The following GPM6A variants were observed in gnomAD, a reference collection of about 807,000 sequenced individuals.
GPM6A encodes glycoprotein M6A, also known as neuronal membrane glycoprotein M6-a.
In GPM6A, 7 loss-of-function variants were observed where a neutral mutation model predicts 32.1. That is an observed-to-expected ratio of 0.22 (90% confidence interval 0.12 to 0.41). GPM6A has a LOEUF of 0.41. GPM6A is among the 10% of genes least tolerant of loss of function. The pLI, the probability that GPM6A is intolerant of heterozygous loss-of-function variation, is 1.00. For missense variants in GPM6A, 235 were observed against 347.2 expected (o/e 0.68, Z 2.57); for synonymous variants, 130 against 123.4 (o/e 1.05, Z -0.35).
At chr4:175,990,333 C>A (rs1259787529) in intron 1 of GPM6A, among the ~76,000 whole-genome samples, 4 of 152,166 alleles carry the variant, frequency 2.6e-5, no homozygotes, top group African/African-American at 9.7e-5. Flanking sequence ...CAGAAAGCTT[C>A]TCTTGATGAC....
intron 1 of GPM6A, among the ~76,000 whole-genome samples, chr4:175,912,642 G>A (rs1388536484): frequency 3.3e-5 from 5 of 152,228 alleles, no homozygotes; most frequent in Admixed American, 2.0e-4. Flanking sequence ...GAGACAGAGT[G>A]AGACTCCATC....
chr4:176,001,862 A>G (rs1476375946), intron 1 of GPM6A, among the ~76,000 whole-genome samples: 2 of 152,202 alleles, frequency 1.3e-5, no homozygotes, highest in African/African-American at 4.8e-5. Context: ...CCCCGTTTCA[A>G]CTTGCTCCCC....
chr4:175,646,873 C>T (rs1741490016), intron 4 of GPM6A, among the ~76,000 whole-genome samples: 1 of 152,156 alleles, frequency 6.6e-6, no homozygotes, highest in Non-Finnish European at 1.5e-5. Context: ...TCCTTATTCA[C>T]TATATGACCC....
At chr4:175,826,039 G>T (rs928332779) in intron 1 of GPM6A, among the ~76,000 whole-genome samples, 1 of 152,118 alleles carries the variant, frequency 6.6e-6, no homozygotes, top group Non-Finnish European at 1.5e-5. Flanking sequence ...ATGGTGGAGT[G>T]AGCCTCTGGT....
intron 1 of GPM6A, among the ~76,000 whole-genome samples, chr4:175,737,309 C>A (rs1224085807): frequency 2.0e-5 from 3 of 151,930 alleles, no homozygotes; most frequent in Admixed American, 2.0e-4. Context: ...CGCCTGTAAT[C>A]CTGCACGCCT....
intron 1 of GPM6A, among the ~76,000 whole-genome samples, chr4:175,791,783 A>G (rs1176049938): frequency 6.6e-6 from 1 of 152,146 alleles, no homozygotes; most frequent in Non-Finnish European, 1.5e-5. Context: ...ACACACAGAC[A>G]CACACTTTTC....
intron 1 of GPM6A, among the ~76,000 whole-genome samples, chr4:175,976,784 G>A (rs575234647): frequency 2.4e-4 from 36 of 152,186 alleles, no homozygotes; most frequent in Non-Finnish European, 4.7e-4. Flanking sequence ...GTACAAGTGA[G>A]GTAGAACCAC....
intron 1 of GPM6A, among the ~76,000 whole-genome samples, chr4:175,953,841 A>C (rs1010331195): frequency 6.6e-6 from 1 of 152,142 alleles, no homozygotes; most frequent in African/African-American, 2.4e-5. Flanking sequence ...GGGGGTTGTG[A>C]TGAGCCGAGA....
intron 1 of GPM6A, among the ~76,000 whole-genome samples, chr4:175,971,278 A>AAG: frequency 6.6e-6 from 1 of 151,826 alleles, no homozygotes; most frequent in South Asian, 2.1e-4. Context: ...GTGAAAAAAA[A>AAG]AAAAAAAAAT....
intron 1 of GPM6A, among the ~76,000 whole-genome samples, chr4:175,969,320 C>A (rs934659870): frequency 1.3e-5 from 2 of 152,106 alleles, no homozygotes; most frequent in African/African-American, 4.8e-5. Flanking sequence ...CTGTACAATA[C>A]TCTAATAGTA....
intron 1 of GPM6A, among the ~76,000 whole-genome samples, chr4:175,982,929 A>G (rs551139331): frequency 6.6e-6 from 1 of 151,960 alleles, no homozygotes; most frequent in South Asian, 2.1e-4. Context: ...TTCTGCATAA[A>G]CGGCATGTAC....
At chr4:175,999,298 G>T (rs915694241) in intron 1 of GPM6A, among the ~76,000 whole-genome samples, 18 of 152,198 alleles carry the variant, frequency 1.2e-4, no homozygotes, top group East Asian at 9.6e-4. Context: ...TTAGAGATTC[G>T]CAGGTTAAAG....
At position 175,775,778 on chromosome 4, in the gene GPM6A, C is replaced by T. The variant is rs144472097; in HGVS notation, c.37+36413G>A. On this transcript the variant is annotated intron_variant, in intron 1 of 6. Transcript: ENST00000393658. ...AAATATACTCCAAAAATAGTCTACT[C>T]TTTTCAGATAAGCCAATTAAATGTT... Among the ~76,000 whole-genome samples the T allele has an allele frequency of 3.9e-5, 6 of 152,218 alleles. No homozygotes were observed. The East Asian group carries it at 9.6e-4, about 24-fold the overall frequency.
At position 175,633,519 on chromosome 4, in the gene GPM6A, A is replaced by G. The variant is rs539168717; in HGVS notation, c.*1386T>C. 1.8e-4 allele frequency: 27 copies of G among 152,588 alleles called. No individual in the cohort carries two copies. Among genetic ancestry groups the G allele is most frequent in the Admixed American group, 7.9e-4 (12 of 15,270 alleles). 9.5% of individuals were successfully genotyped at this position (152,588 alleles called of 1,614,324 possible). ...GATTTCACAATGGTCAAATCAGTGC[A>G]CAATACTACCTAGTTTTATACACTG... On this transcript the variant is annotated 3_prime_UTR_variant, in exon 7 of 7. Transcript: ENST00000393658.
chr4:175,913,726 G>A (rs1056284931), intron 1 of GPM6A, among the ~76,000 whole-genome samples: 5 of 152,046 alleles, frequency 3.3e-5, no homozygotes, highest in Admixed American at 3.3e-4. Context: ...TCTCCTTCAA[G>A]CCTTTGCCAA....
intron 6 of GPM6A, among the ~76,000 whole-genome samples, chr4:175,637,230 ATATATAT>A (rs1199293224): frequency 4.8e-4 from 14 of 29,238 alleles, no homozygotes; most frequent in Admixed American, 6.7e-4. Context: ...ATAATATAAA[ATATATAT>A]TATATATTAT....
chr4:175,884,807 TA>T, intron 1 of GPM6A, among the ~76,000 whole-genome samples: 1 of 152,282 alleles, frequency 6.6e-6, no homozygotes, highest in Admixed American at 6.5e-5. Context: ...GTGCTGGGAT[TA>T]CAGGGGTTAG....
chr4:175,870,836 G>T (rs542331777), intron 1 of GPM6A, among the ~76,000 whole-genome samples: 1 of 152,084 alleles, frequency 6.6e-6, no homozygotes, highest in Admixed American at 6.5e-5. Context: ...TCAAAGCCTC[G>T]AAGTCCTCTC....
intron 1 of GPM6A, among the ~76,000 whole-genome samples, chr4:175,969,655 G>A (rs1477087795): frequency 6.6e-6 from 1 of 152,154 alleles, no homozygotes; most frequent in East Asian, 1.9e-4. Context: ...AGGTTGTAGT[G>A]AGCAGAGATC....
Sources: allele counts gnomAD v4.1 joint callset (sites outside exome capture counted in the v4.1 genomes callset), GRCh38; gene constraint gnomAD v4.1.1; transcripts MANE v1.5; gene names NCBI Gene and HGNC (gene_info 2026-07-23, HGNC 2026-07-21).